Variants in GRID1 observed in about 807,000 individuals in gnomAD.
GRID1 encodes glutamate ionotropic receptor delta type subunit 1.
In GRID1, 28 loss-of-function variants were observed where a neutral mutation model predicts 98.0. The observed-to-expected ratio is 0.29, with a 90% CI of 0.21 to 0.39. GRID1 has a LOEUF of 0.39. GRID1 is among the 10% of genes least tolerant of loss of function. The pLI is 1.00. For missense variants in GRID1, 1,111 were observed against 1,340.5 expected (o/e 0.83, Z 2.67); for synonymous variants, 553 against 538.5 (o/e 1.03, Z -0.37).
chr10:85,785,017 T>C (rs192957145), intron 8 of GRID1, among the ~76,000 whole-genome samples: 7 of 152,332 alleles, frequency 4.6e-5, no homozygotes, highest in Non-Finnish European at 1.0e-4. Flanking sequence ...AGATCCCCGA[T>C]GCTCTCCCTT....
chr10:85,704,673 T>G (rs1290048714), intron 12 of GRID1, among the ~76,000 whole-genome samples: 1 of 152,196 alleles, frequency 6.6e-6, no homozygotes, highest in African/African-American at 2.4e-5. Flanking sequence ...TACATTCTTT[T>G]CAGCAACACA....
chr10:85,914,114 C>A (rs530573888), intron 5 of GRID1, among the ~76,000 whole-genome samples: 54 of 152,258 alleles, frequency 3.5e-4, no homozygotes, highest in African/African-American at 1.1e-3. Flanking sequence ...ATGTGCCTAC[C>A]AGTATGGAAT....
At chr10:85,661,038 A>G (rs1026692822) in intron 12 of GRID1, among the ~76,000 whole-genome samples, 1 of 152,178 alleles carries the variant, frequency 6.6e-6, no homozygotes, top group Non-Finnish European at 1.5e-5. Flanking sequence ...AGCTATCGTT[A>G]TGAGCTTCAG....
intron 2 of GRID1, among the ~76,000 whole-genome samples, chr10:86,269,276 C>T (rs1470458961): frequency 2.6e-5 from 4 of 152,200 alleles, no homozygotes; most frequent in Admixed American, 2.0e-4. Context: ...AATGAAATGG[C>T]CTGAGTCCCA....
chr10:85,785,677 C>T (rs149786477), intron 8 of GRID1, among the ~76,000 whole-genome samples: 220 of 152,202 alleles, frequency 1.4e-3, no homozygotes, highest in Admixed American at 2.2e-3. Flanking sequence ...AGTAAAGCAG[C>T]CTCATTGGAC....
chr10:85,788,818 C>G lies in GRID1; in HGVS notation c.1234-59204G>C, dbSNP rs531387169. Among the ~76,000 whole-genome samples the G allele has an allele frequency of 2.0e-5, 3 of 152,282 alleles. No individual in the cohort carries two copies. The East Asian group carries it at 5.8e-4, about 29-fold the overall frequency. On this transcript the variant is annotated intron_variant, in intron 8 of 15. Coordinates refer to ENST00000327946, the MANE Select transcript of GRID1 (RefSeq NM_017551.3). ...GTTGCTGAGCACCAGACTGCACCAG[C>G]CAGGAGGGCTTTCAGCTGCTTTGGA... is the stretch of plus-strand genomic sequence containing the variant.
At chr10:86,060,923 T>C (rs957002271) in intron 4 of GRID1, among the ~76,000 whole-genome samples, 1 of 152,136 alleles carries the variant, frequency 6.6e-6, no homozygotes, top group Non-Finnish European at 1.5e-5. Context: ...TGGCAGGCAC[T>C]AGCAGATCAG....
chr10:86,190,739 T>C (rs1449241997), intron 3 of GRID1, among the ~76,000 whole-genome samples: 1 of 152,218 alleles, frequency 6.6e-6, no homozygotes, highest in Non-Finnish European at 1.5e-5. Flanking sequence ...AATGTATTGA[T>C]CTTTCTTGGT....
intron 15 of GRID1, 60 bp downstream of exon 15, chr10:85,613,347 C>A: frequency 1.3e-6 from 2 of 1,537,942 alleles, no homozygotes; most frequent in Admixed American, 1.9e-5. Context: ...CTCCCAATGG[C>A]CCAGTGTGAC....
chr10:85,776,224 C>T (rs546277527), intron 8 of GRID1, among the ~76,000 whole-genome samples: 1 of 152,074 alleles, frequency 6.6e-6, no homozygotes, highest in African/African-American at 2.4e-5. Flanking sequence ...GATAAGCAAG[C>T]AGCTCTTGAT....
intron 2 of GRID1, among the ~76,000 whole-genome samples, chr10:86,241,413 C>T (rs2814335): frequency 6.6e-6 from 1 of 151,498 alleles, no homozygotes; most frequent in Admixed American, 6.6e-5. Context: ...ACAGGGGGGC[C>T]CCCTACAGCC....
At chr10:85,774,498 T>G (rs1842308705) in intron 8 of GRID1, among the ~76,000 whole-genome samples, 1 of 151,078 alleles carries the variant, frequency 6.6e-6, no homozygotes, top group Admixed American at 6.6e-5. Flanking sequence ...ACTAAAGAGC[T>G]TCTGCACAGC....
chr10:85,760,836 ATGT>A (rs931503950), intron 8 of GRID1, among the ~76,000 whole-genome samples: 1 of 152,150 alleles, frequency 6.6e-6, no homozygotes, highest in Non-Finnish European at 1.5e-5. Context: ...CTTTGGTAAA[ATGT>A]TGTTGCCAGA....
At chr10:85,772,213 T>A (rs1842277166) in intron 8 of GRID1, among the ~76,000 whole-genome samples, 1 of 152,098 alleles carries the variant, frequency 6.6e-6, no homozygotes, top group African/African-American at 2.4e-5. Context: ...AACCTGCTCC[T>A]GAATGACTAC....
At chr10:86,315,458 G>A (rs894194379) in intron 2 of GRID1, among the ~76,000 whole-genome samples, 1 of 152,150 alleles carries the variant, frequency 6.6e-6, no homozygotes, top group Non-Finnish European at 1.5e-5. Context: ...TTCCTCTAAT[G>A]AGTCCAGGGC....
chr10:86,038,701 C>T (rs149928378), intron 4 of GRID1, among the ~76,000 whole-genome samples: 689 of 152,354 alleles, frequency 4.5e-3, no homozygotes, highest in Non-Finnish European at 6.3e-3. Context: ...GCAGACAAAC[C>T]TCTACTTCCA....
intron 8 of GRID1, among the ~76,000 whole-genome samples, chr10:85,780,641 G>A (rs1221746976): frequency 1.3e-5 from 2 of 152,180 alleles, no homozygotes; most frequent in Non-Finnish European, 2.9e-5. Flanking sequence ...GGTTAGTTAT[G>A]ACAATGGCAC....
At chr10:85,753,074 T>G (rs1231509688) in intron 8 of GRID1, among the ~76,000 whole-genome samples, 1 of 152,190 alleles carries the variant, frequency 6.6e-6, no homozygotes, top group African/African-American at 2.4e-5. Flanking sequence ...CTTCAAACTC[T>G]TCCTAGTCTT....
intron 2 of GRID1, among the ~76,000 whole-genome samples, chr10:86,310,437 TG>T (rs976841832): frequency 6.6e-6 from 1 of 152,124 alleles, no homozygotes; most frequent in Non-Finnish European, 1.5e-5. Context: ...CAGCCCTGTG[TG>T]GGGTAGAGGG....
Sources: allele counts gnomAD v4.1 joint callset (sites outside exome capture counted in the v4.1 genomes callset), GRCh38; gene constraint gnomAD v4.1.1; transcripts MANE v1.5; gene names NCBI Gene and HGNC (gene_info 2026-07-23, HGNC 2026-07-21).